MEGF9: variants seen among roughly 807,000 people sequenced by gnomAD.
The protein encoded by MEGF9 is multiple EGF like domains 9.
A neutral mutation model predicts 46.8 loss-of-function variants in MEGF9; 6 were observed. The ratio of observed to expected loss-of-function variants is 0.13; its 90% CI spans 0.07 to 0.25. The LOEUF (loss-of-function observed/expected upper bound fraction) is 0.25, where lower values mean the gene tolerates loss of function less well. MEGF9 is among the 10% of genes least tolerant of loss of function. The probability of loss-of-function intolerance (pLI) is 1.00; values close to 1 mark genes in which losing one functional copy is unlikely to be tolerated. For synonymous variants in MEGF9, 302 were observed against 330.7 expected (o/e 0.91, Z 0.94); for missense variants, 683 against 792.4 (o/e 0.86, Z 1.66).
intron 4 of MEGF9, among the ~76,000 whole-genome samples, chr9:120,611,824 A>AAGAAAGGAAGGAAGG: frequency 1.5e-5 from 2 of 137,096 alleles, no homozygotes; most frequent in African/African-American, 6.3e-5. Flanking sequence ...AAAGAAAAGA[A>AAGAAAGGAAGGAAGG]AAGAAAGAAA....
At position 120,603,283 on chromosome 9, in the gene MEGF9, A is replaced by G. The variant is rs2043405671; in HGVS notation, c.*1907T>C. ...GGGGCTATGGTGTGGAAGAGAGGACACACATATGGAAAAGTGCTTTGCAAA... is the reference window on the plus strand; with the variant it reads ...GGGGCTATGGTGTGGAAGAGAGGACGCACATATGGAAAAGTGCTTTGCAAA... On this transcript the variant is annotated 3_prime_UTR_variant, in exon 6 of 6. Coordinates refer to ENST00000373930, the MANE Select transcript of MEGF9 (RefSeq NM_001080497.3). The G allele has an allele frequency of 6.6e-6, 1 of 152,230 alleles. No individual in the cohort carries two copies. The highest frequency in any genetic ancestry group is 2.4e-5 in the African/African-American group (1 of 41,462). 9.4% of individuals were successfully genotyped at this position (152,230 alleles called of 1,614,324 possible).
At chr9:120,635,680 G>T (rs1026915382) in intron 2 of MEGF9, among the ~76,000 whole-genome samples, 3 of 151,202 alleles carry the variant, frequency 2.0e-5, no homozygotes, top group African/African-American at 7.3e-5. Flanking sequence ...TTTTTTTTAT[G>T]ATTTCTATCT....
Position 120,680,307 on chromosome 9 carries a change from T to C in MEGF9, c.602-20732A>G, listed in dbSNP as rs544741236. ...AGTCTGGGCTTGTGTGTGCCTCTCC[T>C]TCTTGGGAAGGCTTTCCAGGTATTC... On this transcript the variant is annotated intron_variant, in intron 1 of 5. Coordinates refer to ENST00000373930, the MANE Select transcript of MEGF9 (RefSeq NM_001080497.3). 9.8e-5 allele frequency among the ~76,000 whole-genome samples: 15 copies of C among 152,294 alleles called. No homozygotes were observed. In the South Asian group the frequency reaches 3.1e-3, roughly 32 times the overall value.
intron 2 of MEGF9, among the ~76,000 whole-genome samples, chr9:120,625,852 A>G (rs1461739779): frequency 8.7e-6 from 1 of 115,230 alleles, no homozygotes; most frequent in Admixed American, 1.1e-4. Flanking sequence ...AAAAAAAAAA[A>G]AAAAGAAAGA....
intron 2 of MEGF9, among the ~76,000 whole-genome samples, chr9:120,645,070 T>C (rs1341346346): frequency 1.3e-5 from 2 of 152,196 alleles, no homozygotes; most frequent in East Asian, 3.8e-4. Flanking sequence ...TTCCTTTAGT[T>C]ACATAAGTAT....
intron 1 of MEGF9, among the ~76,000 whole-genome samples, chr9:120,676,789 TACTA>T (rs1360578996): frequency 2.0e-5 from 3 of 152,240 alleles, no homozygotes; most frequent in Non-Finnish European, 4.4e-5. Context: ...TACTATGATC[TACTA>T]ACTATGTCTC....
At chr9:120,649,308 A>G (rs1310617764) in intron 2 of MEGF9, among the ~76,000 whole-genome samples, 1 of 152,268 alleles carries the variant, frequency 6.6e-6, no homozygotes, top group Non-Finnish European at 1.5e-5. Flanking sequence ...TAGTTTCAGT[A>G]CAACATTGTT....
At chr9:120,617,793 G>A (rs2043478815) in intron 3 of MEGF9, among the ~76,000 whole-genome samples, 1 of 152,154 alleles carries the variant, frequency 6.6e-6, no homozygotes, top group Admixed American at 6.5e-5. Context: ...GGGCAAGGAT[G>A]ATGCAATAAA....
At chr9:120,629,175 A>T (rs112862411) in intron 2 of MEGF9, among the ~76,000 whole-genome samples, 6,208 of 152,176 alleles carry the variant, frequency 0.041, 418 homozygotes, top group African/African-American at 0.14. Context: ...AGACAGGTTC[A>T]CATTATATTG....
chr9:120,608,226 C>G (rs976085037), intron 4 of MEGF9, among the ~76,000 whole-genome samples: 4 of 152,080 alleles, frequency 2.6e-5, no homozygotes, highest in Non-Finnish European at 5.9e-5. Context: ...TGTCTCCTCT[C>G]TAGAGACATA....
chr9:120,651,073 G>C (rs2043647398), intron 2 of MEGF9, among the ~76,000 whole-genome samples: 1 of 152,144 alleles, frequency 6.6e-6, no homozygotes, highest in Non-Finnish European at 1.5e-5. Flanking sequence ...ATATTCCAAA[G>C]TGCCTAATAA....
Position 120,711,871 on chromosome 9 carries a change from A to ACACACACACACACACC in MEGF9, c.601+1886_601+1887insGGTGTGTGTGTGTGTG, listed in dbSNP as rs145059704. 3.0e-3 allele frequency among the ~76,000 whole-genome samples: 449 copies of ACACACACACACACACC among 150,156 alleles called. 4 individuals carry two copies. Among genetic ancestry groups the ACACACACACACACACC allele is most frequent in the African/African-American group, 0.011 (429 of 40,330 alleles). On this transcript the variant is annotated intron_variant, in intron 1 of 5. Transcript: ENST00000373930. ...CACACACACACACACACACACACAC[A>ACACACACACACACACC]CCCACAGGCCTGGTCATAAGCATAG...
At chr9:120,677,082 T>C (rs2043776310) in intron 1 of MEGF9, among the ~76,000 whole-genome samples, 1 of 151,552 alleles carries the variant, frequency 6.6e-6, no homozygotes, top group African/African-American at 2.4e-5. Flanking sequence ...TTCTACCTAA[T>C]ACTATTAAAT....
intron 2 of MEGF9, among the ~76,000 whole-genome samples, chr9:120,651,060 G>A (rs973574899): frequency 6.6e-6 from 1 of 152,144 alleles, no homozygotes; most frequent in African/African-American, 2.4e-5. Flanking sequence ...AAGAGCAAAA[G>A]CAATATTCCA....
chr9:120,618,061 T>C (rs1423324074), intron 3 of MEGF9, among the ~76,000 whole-genome samples: 1 of 152,090 alleles, frequency 6.6e-6, no homozygotes, highest in Non-Finnish European at 1.5e-5. Context: ...AGTGTGGAGA[T>C]CAACGGAGAA....
At chr9:120,624,239 T>C (rs1452968239) in intron 2 of MEGF9, among the ~76,000 whole-genome samples, 2 of 152,124 alleles carry the variant, frequency 1.3e-5, no homozygotes, top group East Asian at 3.9e-4. Context: ...TTTTTGTTCG[T>C]TTTTGTTTTT....
chr9:120,637,634 A>G (rs953443300), intron 2 of MEGF9, among the ~76,000 whole-genome samples: 17 of 151,428 alleles, frequency 1.1e-4, no homozygotes, highest in Non-Finnish European at 2.1e-4. Context: ...TCTACTAAAA[A>G]TACAAAAATT....
In MEGF9 at chr9:120,622,643, GATT is replaced by G; in HGVS notation, c.913_915del (p.Asn305del). The G allele has an allele frequency of 1.9e-6, 3 of 1,613,580 alleles. No homozygotes were observed. Among genetic ancestry groups the G allele is most frequent in the Non-Finnish European group, 2.5e-6 (3 of 1,179,798 alleles). On this transcript the variant is annotated inframe_deletion, in exon 3 of 6. Coordinates refer to ENST00000373930, the MANE Select transcript of MEGF9 (RefSeq NM_001080497.3). ...GTGAGGGCATCGCAACTGGCAGACCGATTATTGCATTGGCAGGGCAAGCAGCCA... is the reference window on the plus strand; with the variant it reads ...GTGAGGGCATCGCAACTGGCAGACCGATTGCATTGGCAGGGCAAGCAGCCA...
At chr9:120,700,260 T>A (rs935271742) in intron 1 of MEGF9, among the ~76,000 whole-genome samples, 4 of 152,246 alleles carry the variant, frequency 2.6e-5, no homozygotes, top group Non-Finnish European at 5.9e-5. Context: ...ACTTCGATTC[T>A]ACTGATTAGC....
Sources: allele counts gnomAD v4.1 joint callset (sites outside exome capture counted in the v4.1 genomes callset), GRCh38; gene constraint gnomAD v4.1.1; transcripts MANE v1.5; gene names NCBI Gene and HGNC (gene_info 2026-07-23, HGNC 2026-07-21).